The following MYCBP2 variants were observed in gnomAD, a reference collection of about 807,000 sequenced individuals.
MYCBP2 encodes the protein MYC binding protein 2.
A neutral mutation model predicts 525.3 loss-of-function variants in MYCBP2; 120 were observed. The observed-to-expected ratio is 0.23, with a 90% confidence interval of 0.20 to 0.27. The LOEUF (loss-of-function observed/expected upper bound fraction) is 0.27. Ranked by LOEUF, MYCBP2 falls within the 10% of genes least tolerant of loss-of-function variation. The pLI, the probability that MYCBP2 is intolerant of heterozygous loss-of-function variation, is 1.00. For synonymous variants in MYCBP2, 1,894 were observed against 1,955.8 expected, an observed-to-expected ratio of 0.97 and a Z score of 0.83; for missense variants, 4,149 against 5,657.1, an observed-to-expected ratio of 0.73 and a Z score of 8.55.
chr13:77,317,951 CAT>C (rs2081157757), intron 1 of MYCBP2, among the ~76,000 whole-genome samples: 4 of 133,304 alleles, frequency 3.0e-5, no homozygotes, highest in African/African-American at 1.2e-4. Flanking sequence ...CATAACATAA[CAT>C]AACATAACAT....
Position 77,326,792 on chromosome 13 carries a change from G to A in MYCBP2, c.-17C>T, listed in dbSNP as rs1351601881. ...CATCATCATCCTCGCCGCCGCCGCC[G>A]CCGCCGCCGCCTCGTCCCCGCGGGC... On this transcript the variant is annotated 5_prime_UTR_variant, in exon 1 of 83. Transcript: ENST00000544440. The surrounding 1 kb of genome is among the most constrained non-coding windows in gnomAD (Gnocchi z 4.2). 7.1e-7 allele frequency: 1 copy of A among 1,399,602 alleles called. No homozygotes were observed. The allele number at this position is 1,399,602 out of a possible 1,614,324, so 86.7% of individuals were successfully genotyped here.
chr13:77,304,384 A>G (rs900649058), intron 1 of MYCBP2, among the ~76,000 whole-genome samples: 2 of 152,222 alleles, frequency 1.3e-5, no homozygotes, highest in Non-Finnish European at 2.9e-5. Context: ...GCAAAGAAAG[A>G]TGAATATGGC....
rs112780359 is a variant in MYCBP2 at position 77,282,591 on chromosome 13, C to T, written c.595-3680G>A. On this transcript the variant is annotated intron_variant, in intron 3 of 82. Coordinates refer to ENST00000544440, the MANE Select transcript of MYCBP2 (RefSeq NM_015057.5). ...TCAAACAATGTTCTTGATCCCACCC[C>T]CTCCGATCTCTCACAGAAATTTGTT... is the stretch of plus-strand genomic sequence containing the variant. Among the ~76,000 whole-genome samples the T allele has an allele frequency of 7.6e-3, 1,151 of 152,242 alleles. 16 individuals are homozygous for T. Among genetic ancestry groups the T allele is most frequent in the African/African-American group, 0.026 (1,100 of 41,532 alleles).
At position 77,098,174 on chromosome 13, in the gene MYCBP2, T is replaced by C. The variant is rs2046518982; in HGVS notation, c.8980A>G (p.Asn2994Asp). 2 of 1,613,666 alleles carry C rather than the reference T, an allele frequency of 1.2e-6. No homozygotes were observed. The highest frequency in any genetic ancestry group is 1.1e-5 in the South Asian group (1 of 91,082). ...TCTTTTTTGGGCCTGGTGTGTCTAT[T>C]AGCACATTTTCGACTTATTTTGGGA... ...ASPKISRKCANRHTRPKKEKS... is the reference protein window; with the variant it reads ...ASPKISRKCADRHTRPKKEKS... Residue 2994 changes from asparagine to aspartate, a missense_variant, in exon 56 of 83, where the codon AAT becomes GAT. Physicochemically the swap from Asn to Asp is conservative, Grantham distance 23. Around this residue, in one of 21 missense-constraint regions of MYCBP2, gnomAD observed 653 missense variants for 744.7 expected, o/e 0.88. Transcript: ENST00000544440.
intron 52 of MYCBP2, chr13:77,129,380 T>A (rs1364937316): frequency 2.6e-6 from 1 of 382,476 alleles, no homozygotes; most frequent in Admixed American, 4.5e-5. Context: ...TGAAGCCATC[T>A]GAGTAAACAA....
chr13:77,064,791 ACT>A, intron 72 of MYCBP2, 57 bp from the exon 73 acceptor site: 3 of 1,451,342 alleles, frequency 2.1e-6, no homozygotes, highest in Middle Eastern at 1.8e-4. Flanking sequence ...ACCATAGTAA[ACT>A]CTTTTTTCTT....
intron 55 of MYCBP2, among the ~76,000 whole-genome samples, chr13:77,108,625 G>GA (rs2048238304): frequency 6.6e-6 from 1 of 151,970 alleles, no homozygotes; most frequent in Non-Finnish European, 1.5e-5. Context: ...GACATCCTGA[G>GA]AAAGAGACAA....
chr13:77,185,046 G>T, intron 32 of MYCBP2, 57 bp downstream of exon 32: 3 of 1,459,338 alleles, frequency 2.1e-6, no homozygotes, highest in Non-Finnish European at 2.8e-6. Context: ...TTATTTTCTT[G>T]AAGAGTATTA....
chr13:77,164,550 T>A lies in MYCBP2; in HGVS notation c.6460-9A>T, dbSNP rs1217298873. 1 of 1,560,746 alleles carries A rather than the reference T, an allele frequency of 6.4e-7. No homozygotes were observed. Among genetic ancestry groups the A allele is most frequent in the South Asian group, 1.1e-5 (1 of 89,354 alleles). On this transcript the variant is annotated splice_polypyrimidine_tract_variant and intron_variant, in intron 42 of 82. Transcript: ENST00000544440. Reference sequence around the variant, plus strand: ...TCCAATTGGATGACTCCCTATGGAATTGCATAAAATTTGCTGCTTTAAAAA... The same window carrying A: ...TCCAATTGGATGACTCCCTATGGAAATGCATAAAATTTGCTGCTTTAAAAA...
chr13:77,236,782 T>G (rs1026144614), intron 17 of MYCBP2, among the ~76,000 whole-genome samples: 6 of 151,982 alleles, frequency 3.9e-5, no homozygotes, highest in African/African-American at 1.4e-4. Flanking sequence ...TGTACAGTCC[T>G]AGCTACTCGG....
intron 21 of MYCBP2, 39 bp downstream of exon 21, chr13:77,217,801 G>C: frequency 1.6e-6 from 2 of 1,272,786 alleles, no homozygotes; most frequent in Middle Eastern, 1.9e-4. Flanking sequence ...TAAGGCAATG[G>C]TATAATGCAA....
At position 77,205,586 on chromosome 13, in the gene MYCBP2, G is replaced by A. The variant is rs766955148; in HGVS notation, c.3602C>T (p.Thr1201Ile). ...TTTTAAGTCCTGCATAGCTGCCAAG[G>A]TATCAAGACAACCTAAAACAACAAA... Reference protein sequence around the residue: ...AALHILGCLDTLAAMQDLKMG... With the variant: ...AALHILGCLDILAAMQDLKMG... Residue 1201 changes from threonine (T) to isoleucine (I), a missense_variant, in exon 25 of 83, where the codon ACC becomes ATC. Coordinates refer to ENST00000544440, the MANE Select transcript of MYCBP2 (RefSeq NM_015057.5). 5.6e-5 allele frequency: 90 copies of A among 1,610,506 alleles called. No individual in the cohort carries two copies. Among genetic ancestry groups the A allele is most frequent in the East Asian group, 8.9e-5 (4 of 44,788 alleles).
intron 11 of MYCBP2, among the ~76,000 whole-genome samples, chr13:77,261,800 G>A (rs1421526329): frequency 6.6e-6 from 1 of 151,852 alleles, no homozygotes; most frequent in Non-Finnish European, 1.5e-5. Flanking sequence ...CTCAACTCAG[G>A]GTTGTCACAA....
chr13:77,320,239 A>G (rs1022830294), intron 1 of MYCBP2, among the ~76,000 whole-genome samples: 10 of 152,234 alleles, frequency 6.6e-5, no homozygotes, highest in African/African-American at 2.2e-4. Flanking sequence ...ACTCAGCTGC[A>G]ATCAGTTTTA....
intron 2 of MYCBP2, among the ~76,000 whole-genome samples, chr13:77,294,105 T>TATATATATATATATATATATATAC (rs2077791756): frequency 6.3e-4 from 5 of 7,938 alleles, no homozygotes; most frequent in Non-Finnish European, 1.5e-3. Flanking sequence ...ATATAATGGC[T>TATATATATATATATATATATATAC]ATATATATAT....
At position 77,081,864 on chromosome 13, in the gene MYCBP2, T is replaced by A. The variant is rs766015492; in HGVS notation, c.11166A>T (p.Ile3722=). The A allele has an allele frequency of 1.9e-6, 3 of 1,613,686 alleles. No individual in the cohort carries two copies. In the Admixed American group the frequency reaches 5.0e-5, roughly 27 times the overall value. ...GDSEESFSIS[I]QSGFEAMSQE... ...GACTCATAGCTTCAAAGCCAGACTG[T>A]ATACTGATGCTAAAACTCTCTTCAC... Residue 3722 remains isoleucine, a synonymous_variant, in exon 64 of 83, where the codon ATA becomes ATT. Transcript: ENST00000544440. The surrounding 1 kb of genome is among the most constrained non-coding windows in gnomAD (Gnocchi z 4.6).
intron 17 of MYCBP2, among the ~76,000 whole-genome samples, chr13:77,240,428 T>G (rs1481414594): frequency 6.6e-6 from 1 of 152,064 alleles, no homozygotes; most frequent in Non-Finnish European, 1.5e-5. Context: ...GCCAACATGG[T>G]GAAACCTCGC....
In MYCBP2 at chr13:77,205,498, A is replaced by T; in HGVS notation, c.3690T>A (p.Asp1230Glu). 1 of 1,613,454 alleles carries T rather than the reference A, an allele frequency of 6.2e-7. No homozygotes were observed. Among genetic ancestry groups the T allele is most frequent in the Non-Finnish European group, 8.5e-7 (1 of 1,179,750 alleles). ...QAVMKVYSKEDYSVVNRFESH... is the reference protein window; with the variant it reads ...QAVMKVYSKEEYSVVNRFESH... ...TTTCAAACCTGTTTACCACACTATA[A>T]TCTTCTTTAGAATAAACCTTCATTA... The change falls in exon 25 of 83, where the codon GAT becomes GAA. Residue 1230 changes from aspartate to glutamate, a missense_variant. Transcript: ENST00000544440.
At chr13:77,056,921 T>G (rs959557036) in intron 79 of MYCBP2, 65 bp downstream of exon 79, 2 of 1,278,346 alleles carry the variant, frequency 1.6e-6, no homozygotes, top group Non-Finnish European at 2.3e-6. Flanking sequence ...CATATGTTTA[T>G]TTTGAAAGGT....
Sources: allele counts gnomAD v4.1 joint callset (sites outside exome capture counted in the v4.1 genomes callset), GRCh38; gene constraint gnomAD v4.1.1; regional missense constraint gnomAD v4.1.1; non-coding constraint Gnocchi (gnomAD v3.1); transcripts MANE v1.5; gene names NCBI Gene and HGNC (gene_info 2026-07-23, HGNC 2026-07-21).